Variants in RGS5 observed in about 807,000 individuals in gnomAD.
RGS5 encodes the protein regulator of G-protein signalling 5.
Under a neutral mutation model 18.9 loss-of-function variants are expected in RGS5, and 20 were observed. The observed-to-expected ratio is 1.06, with a 90% confidence interval of 0.74 to 1.54. The LOEUF (loss-of-function observed/expected upper bound fraction) is 1.54, where lower values mean the gene tolerates loss of function less well. RGS5 is among the 40% of genes most tolerant of loss of function. The pLI is 0.00. For missense variants in RGS5, 201 were observed against 211.8 expected, an observed-to-expected ratio of 0.95 and a Z score of 0.32; for synonymous variants, 57 against 76.2, an observed-to-expected ratio of 0.75 and a Z score of 1.31.
chr1:163,224,569 A>G (rs1401294421), intron 2 of RGS5, among the ~76,000 whole-genome samples: 1 of 152,176 alleles, frequency 6.6e-6, no homozygotes, highest in Admixed American at 6.5e-5. Context: ...TATATACCCA[A>G]TAGTGGGATT....
rs572520419 is a variant in RGS5 at position 163,260,681 on chromosome 1, A to C, written c.-281+45552T>G. 2.7e-5 allele frequency: 4 copies of C among 148,960 alleles called. No homozygotes were observed. The East Asian group carries it at 5.9e-4, about 22-fold the overall frequency. 9.2% of individuals were successfully genotyped at this position (148,960 alleles called of 1,614,324 possible). On this transcript the variant is annotated intron_variant, in intron 2 of 5. Coordinates refer to the RGS5 transcript ENST00000618415. ...ATTGAAATAAAAATGAAAAAAAAAA[A>C]ACAATATTAGTGAACACTCTAGATA...
At chr1:163,296,852 ATGAGT>A (rs1293473525) in intron 2 of RGS5, among the ~76,000 whole-genome samples, 6 of 152,150 alleles carry the variant, frequency 3.9e-5, no homozygotes, top group Admixed American at 3.9e-4. Flanking sequence ...ATTATTTTGA[ATGAGT>A]TATTTTGAGA....
chr1:163,149,808 G>A (rs1352154394), intron 4 of RGS5, among the ~76,000 whole-genome samples: 6 of 151,974 alleles, frequency 3.9e-5, no homozygotes, highest in Non-Finnish European at 8.8e-5. Flanking sequence ...TCTTATATAG[G>A]TCAATTTCAT....
chr1:163,154,826 T>C (rs1657519469), intron 3 of RGS5, among the ~76,000 whole-genome samples: 1 of 149,712 alleles, frequency 6.7e-6, no homozygotes, highest in Admixed American at 6.7e-5. Flanking sequence ...TAGTTTATAA[T>C]TTAAAAATTA....
chr1:163,180,051 C>T (rs1410591821), intron 1 of RGS5, among the ~76,000 whole-genome samples: 1 of 152,164 alleles, frequency 6.6e-6, no homozygotes, highest in Non-Finnish European at 1.5e-5. Flanking sequence ...GAGACAGGGT[C>T]TCACTCTGTC....
chr1:163,200,231 T>C (rs2101659219), intron 1 of RGS5, among the ~76,000 whole-genome samples: 1 of 152,296 alleles, frequency 6.6e-6, no homozygotes, highest in South Asian at 2.1e-4. Context: ...CTTTCCACTC[T>C]GATAAATAAT....
rs1649635077 is a variant in RGS5 at position 163,304,137 on chromosome 1, G to C, written c.-281+2096C>G. 2.6e-5 allele frequency: 4 copies of C among 152,138 alleles called. No individual in the cohort carries two copies. The South Asian group carries it at 8.3e-4, about 32-fold the overall frequency. The allele number at this position is 152,138 out of a possible 1,614,324, so 9.4% of individuals were successfully genotyped here. ...TCCTATCTGGTCACTGATTAATCTT[G>C]CCTGGTTAATGAAATGTGATTATAA... On this transcript the variant is annotated intron_variant, in intron 2 of 5. Coordinates refer to the RGS5 transcript ENST00000618415.
At chr1:163,169,495 C>G (rs1261883124) in intron 1 of RGS5, among the ~76,000 whole-genome samples, 1 of 152,094 alleles carries the variant, frequency 6.6e-6, no homozygotes, top group Admixed American at 6.5e-5. Flanking sequence ...TAAAAGTGTT[C>G]CTATTTCTCC....
chr1:163,190,443 G>A (rs1659296737), intron 1 of RGS5, among the ~76,000 whole-genome samples: 1 of 152,132 alleles, frequency 6.6e-6, no homozygotes, highest in Admixed American at 6.5e-5. Flanking sequence ...GGCAGTGCCT[G>A]GAAAAGTTCC....
At chr1:163,257,441 G>A (rs1390396099) in intron 2 of RGS5, among the ~76,000 whole-genome samples, 1 of 152,138 alleles carries the variant, frequency 6.6e-6, no homozygotes, top group Non-Finnish European at 1.5e-5. Context: ...AAGCTCAGAT[G>A]TAGGGTGGGA....
At chr1:163,178,743 T>TA (rs1352355115) in intron 1 of RGS5, among the ~76,000 whole-genome samples, 1 of 152,108 alleles carries the variant, frequency 6.6e-6, no homozygotes, top group Admixed American at 6.6e-5. Flanking sequence ...TGCTTAAACT[T>TA]AAACAGGAAG....
intron 1 of RGS5, among the ~76,000 whole-genome samples, chr1:163,314,349 A>G (rs953086045): frequency 6.6e-6 from 1 of 152,272 alleles, no homozygotes; most frequent in Non-Finnish European, 1.5e-5. Context: ...ATTACTTGGT[A>G]CTTATATAGA....
At chr1:163,269,035 CT>C (rs1465902371) in intron 2 of RGS5, among the ~76,000 whole-genome samples, 2 of 152,162 alleles carry the variant, frequency 1.3e-5, no homozygotes, top group Non-Finnish European at 2.9e-5. Flanking sequence ...GTAGCATCAT[CT>C]CCTGCAGTCC....
At chr1:163,179,651 A>G (rs1451202913) in intron 1 of RGS5, among the ~76,000 whole-genome samples, 1 of 152,226 alleles carries the variant, frequency 6.6e-6, no homozygotes, top group East Asian at 1.9e-4. Context: ...TGAATATGTT[A>G]TTTGAGCTCT....
At chr1:163,271,965 T>C (rs1648730139) in intron 2 of RGS5, among the ~76,000 whole-genome samples, 1 of 152,084 alleles carries the variant, frequency 6.6e-6, no homozygotes, top group Non-Finnish European at 1.5e-5. Flanking sequence ...TGTATTGTCT[T>C]ATTTATTTTT....
Position 163,202,137 on chromosome 1 carries a change from G to A in RGS5, c.44+655C>T, listed in dbSNP as rs147931047. Among the ~76,000 whole-genome samples the A allele has an allele frequency of 1.6e-3, 245 of 152,246 alleles. 1 individual carries two copies. Among genetic ancestry groups the A allele is most frequent in the Non-Finnish European group, 2.9e-3 (195 of 68,012 alleles). ...CCTGTGTCCCAAGGGCTTTTTCTCT[G>A]TCTAGCCATCCAGTTACTTCTATCT... On this transcript the variant is annotated intron_variant, in intron 1 of 4. Coordinates refer to ENST00000313961, the MANE Select transcript of RGS5 (RefSeq NM_003617.4).
Position 163,312,046 on chromosome 1 carries a change from T to G in RGS5, c.-377-5717A>C, listed in dbSNP as rs186012027. Among the ~76,000 whole-genome samples the G allele has an allele frequency of 3.0e-3, 450 of 152,346 alleles. 3 individuals are homozygous for G. Among genetic ancestry groups the G allele is most frequent in the Admixed American group, 0.013 (197 of 15,300 alleles). On this transcript the variant is annotated intron_variant, in intron 1 of 5. Coordinates refer to the RGS5 transcript ENST00000618415. Reference sequence around the variant, plus strand: ...TCTCCACTCAAATCTCATCTTGAACTGTAATCCCCGGGTGTTGAGGGAGGG... The same window carrying G: ...TCTCCACTCAAATCTCATCTTGAACGGTAATCCCCGGGTGTTGAGGGAGGG...
chr1:163,280,824 C>T (rs900719290), intron 2 of RGS5, among the ~76,000 whole-genome samples: 1 of 152,030 alleles, frequency 6.6e-6, no homozygotes, highest in Admixed American at 6.6e-5. Flanking sequence ...CAATATTGAA[C>T]AAAAAGAACA....
At chr1:163,155,807 G>T (rs937008721) in intron 3 of RGS5, among the ~76,000 whole-genome samples, 11 of 152,044 alleles carry the variant, frequency 7.2e-5, no homozygotes, top group Non-Finnish European at 1.5e-4. Flanking sequence ...TGCACAGAGC[G>T]TCGGAGTACC....
Sources: allele counts gnomAD v4.1 joint callset (sites outside exome capture counted in the v4.1 genomes callset), GRCh38; gene constraint gnomAD v4.1.1; transcripts MANE v1.5; gene names NCBI Gene and HGNC (gene_info 2026-07-23, HGNC 2026-07-21).